PTPRH: variants seen among roughly 807,000 people sequenced by gnomAD.
The protein encoded by PTPRH is protein tyrosine phosphatase receptor type H, also known as receptor-type tyrosine-protein phosphatase H.
In PTPRH, 113 loss-of-function variants were observed where a neutral mutation model predicts 130.2. The ratio of observed to expected loss-of-function variants is 0.87; its 90% CI spans 0.75 to 1.01. The LOEUF (loss-of-function observed/expected upper bound fraction) is 1.01, where lower values mean the gene tolerates loss of function less well. Ranked by LOEUF, PTPRH falls within the 50% of genes least tolerant of loss-of-function variation. The pLI is 0.00. For missense variants in PTPRH, 1,430 were observed against 1,425.0 expected, an observed-to-expected ratio of 1.00 and a Z score of -0.06; for synonymous variants, 556 against 577.9, an observed-to-expected ratio of 0.96 and a Z score of 0.54.
chr19:55,190,488 AT>A (rs2086494869), intron 12 of PTPRH, among the ~76,000 whole-genome samples: 1 of 128,182 alleles, frequency 7.8e-6, no homozygotes, highest in Admixed American at 9.6e-5. Context: ...TATATATTAT[AT>A]AATTTATATA....
Position 55,209,373 on chromosome 19 carries a change from G to A in PTPRH, c.51+10C>T, listed in dbSNP as rs777345676. 31 of 1,560,720 alleles carry A rather than the reference G, an allele frequency of 2.0e-5. No homozygotes were observed. The highest frequency in any genetic ancestry group is 3.9e-5 in the Admixed American group (2 of 51,882). ...GCCTTGGGAGCCCGCTCTGGGCGGGGAGCACTTACCAGCAGCACCAGGTTC... is the reference window on the plus strand; with the variant it reads ...GCCTTGGGAGCCCGCTCTGGGCGGGAAGCACTTACCAGCAGCACCAGGTTC... On this transcript the variant is annotated intron_variant, in intron 1 of 19. Transcript: ENST00000376350. This position sits in a 1 kb window ranked among gnomAD's most constrained non-coding sequence, Gnocchi z 4.1.
intron 10 of PTPRH, 129 bp from the exon 11 acceptor site, chr19:55,191,870 G>GGTGTGAATTGCGTCGGTCCA: frequency 1.3e-6 from 1 of 769,474 alleles, no homozygotes; most frequent in South Asian, 1.4e-5. Context: ...AACATCACAC[G>GGTGTGAATTGCGTCGGTCCA]GTGTGAATTG....
chr19:55,195,025 T>C (rs1362290332), intron 10 of PTPRH, among the ~76,000 whole-genome samples: 4 of 152,012 alleles, frequency 2.6e-5, no homozygotes, highest in African/African-American at 9.7e-5. Flanking sequence ...CCATCTCTAC[T>C]AAAAAAATTT....
chr19:55,191,656 G>A lies in PTPRH; in HGVS notation c.2336+7C>T. Reference sequence around the variant, plus strand: ...CTCCAGGCGGTCAGCCCTGTGCTGAGTCTCACCTCCTCTTCAGGAAGAAAA... The same window carrying A: ...CTCCAGGCGGTCAGCCCTGTGCTGAATCTCACCTCCTCTTCAGGAAGAAAA... On this transcript the variant is annotated splice_region_variant and intron_variant, in intron 11 of 19. Transcript: ENST00000376350. 1.2e-6 allele frequency: 2 copies of A among 1,613,832 alleles called. No homozygotes were observed. Among genetic ancestry groups the A allele is most frequent in the Non-Finnish European group, 1.7e-6 (2 of 1,179,728 alleles).
At chr19:55,183,850 G>A (rs78783502) in intron 18 of PTPRH, among the ~76,000 whole-genome samples, 16,283 of 152,122 alleles carry the variant, frequency 0.11, 993 homozygotes, top group Middle Eastern at 0.17. Flanking sequence ...CCATTAGGCC[G>A]TCTCTCCCTA....
intron 6 of PTPRH, among the ~76,000 whole-genome samples, chr19:55,201,001 T>G (rs936450936): frequency 6.6e-6 from 1 of 151,144 alleles, no homozygotes; most frequent in East Asian, 1.9e-4. Flanking sequence ...TGGAATAGCA[T>G]TAAGAGGTAG....
intron 12 of PTPRH, 88 bp from the exon 13 acceptor site, chr19:55,188,256 T>G: frequency 9.4e-7 from 1 of 1,067,970 alleles, no homozygotes; most frequent in Non-Finnish European, 1.4e-6. Flanking sequence ...CTCACGCCTG[T>G]AATCCCAGCA....
chr19:55,183,408 C>A (rs1446825279), intron 18 of PTPRH, among the ~76,000 whole-genome samples: 1 of 148,348 alleles, frequency 6.7e-6, no homozygotes, highest in Non-Finnish European at 1.5e-5. Flanking sequence ...CCGTCCCCCA[C>A]AAAAATAAAT....
intron 1 of PTPRH, 65 bp from the exon 2 acceptor site, chr19:55,207,264 G>A (rs1244399944): frequency 1.2e-5 from 18 of 1,558,500 alleles, no homozygotes; most frequent in Non-Finnish European, 1.5e-5. Flanking sequence ...TGAGGCCGAG[G>A]GGCTGGGAGG....
chr19:55,207,255 G>C, intron 1 of PTPRH, 56 bp from the exon 2 acceptor site: 1 of 1,580,244 alleles, frequency 6.3e-7, no homozygotes, highest in South Asian at 1.1e-5. Flanking sequence ...TCCGCCCAGT[G>C]AGGCCGAGGG....
At position 55,181,912 on chromosome 19, in the gene PTPRH, C is replaced by A; in HGVS notation, c.3199-9G>T. ...AGGAATACGTACTGAGCCTGGGAAGCAGGCACGGGAGTGAGAGGCGTCCCC... is the reference window on the plus strand; with the variant it reads ...AGGAATACGTACTGAGCCTGGGAAGAAGGCACGGGAGTGAGAGGCGTCCCC... On this transcript the variant is annotated splice_polypyrimidine_tract_variant and intron_variant, in intron 19 of 19. Coordinates refer to ENST00000376350, the MANE Select transcript of PTPRH (RefSeq NM_002842.5). The A allele has an allele frequency of 6.2e-7, 1 of 1,614,206 alleles. No individual in the cohort carries two copies. The highest frequency in any genetic ancestry group is 8.5e-7 in the Non-Finnish European group (1 of 1,180,010).
intron 8 of PTPRH, among the ~76,000 whole-genome samples, chr19:55,197,678 C>A (rs886343381): frequency 6.6e-6 from 1 of 152,198 alleles, no homozygotes; most frequent in South Asian, 2.1e-4. Context: ...ATTCCACCTA[C>A]TGAAACTACA....
intron 17 of PTPRH, 86 bp downstream of exon 17, chr19:55,185,776 A>G (rs2086302580): frequency 8.7e-6 from 14 of 1,604,176 alleles, no homozygotes; most frequent in Non-Finnish European, 1.2e-5. Flanking sequence ...GAGTGGGTGG[A>G]AGGTTGGAGT....
At chr19:55,191,855 C>T (rs927278053) in intron 10 of PTPRH, 114 bp from the exon 11 acceptor site, 3 of 894,382 alleles carry the variant, frequency 3.4e-6, no homozygotes, top group South Asian at 1.3e-5. Context: ...GACAGCTGAC[C>T]CCCGAACATC....
In PTPRH at chr19:55,204,004, T is replaced by C; in HGVS notation, c.664A>G (p.Ser222Gly). 3 of 1,614,172 alleles carry C rather than the reference T, an allele frequency of 1.9e-6. No homozygotes were observed. Among genetic ancestry groups the C allele is most frequent in the Middle Eastern group, 1.6e-4 (1 of 6,062 alleles). Reference protein sequence around the residue: ...RNLRVEAQTTSSISLSWEVPD... With the variant: ...RNLRVEAQTTGSISLSWEVPD... The stretch of plus-strand genomic sequence containing the variant: ...ACCTCCCAGCTCAGGGAGATGGAGC[T>C]GGTGGTCTGAGCCTCCACTCTCAGG... The change falls in exon 5 of 20, where the codon AGC becomes GGC. Residue 222 changes from serine (S) to glycine (G), a missense_variant. Physicochemically the swap from Ser to Gly is moderately conservative, Grantham distance 56 (BLOSUM62 0). Transcript: ENST00000376350.
At chr19:55,202,590 T>TACAC (rs2086898179) in intron 5 of PTPRH, among the ~76,000 whole-genome samples, 2 of 134,594 alleles carry the variant, frequency 1.5e-5, no homozygotes. Context: ...TGATTGATCC[T>TACAC]ATACACACAC....
In PTPRH at chr19:55,197,349, C is replaced by G. The variant is rs749709290; in HGVS notation, c.1758G>C (p.Lys586Asn). The G allele has an allele frequency of 1.9e-6, 3 of 1,614,240 alleles. No homozygotes were observed. The highest frequency in any genetic ancestry group is 2.5e-6 in the Non-Finnish European group (3 of 1,180,026). The change falls in exon 9 of 20, where the codon AAG (lysine) becomes AAC (asparagine). Residue 586 changes from lysine to asparagine, a missense_variant. Lys to Asn is a moderately conservative substitution (Grantham distance 94). Transcript: ENST00000376350. Reference sequence around the variant, plus strand: ...ACTGAGAGTGGGGGTCTCCAGGGGCCTTCCACCACAGCATGACTGAGTTCT... The same window carrying G: ...ACTGAGAGTGGGGGTCTCCAGGGGCGTTCCACCACAGCATGACTGAGTTCT... ...QTKNSVMLWW[K>N]APGDPHSQLY... is the part of the protein sequence containing the mutation.
rs760246867 is a variant in PTPRH at position 55,200,449 on chromosome 19, C to T, written c.1207G>A (p.Ala403Thr). The change falls in exon 7 of 20, where the codon GCC (alanine) becomes ACC (threonine). Residue 403 changes from alanine (A) to threonine (T), a missense_variant. Coordinates refer to ENST00000376350, the MANE Select transcript of PTPRH (RefSeq NM_002842.5). Reference protein sequence around the residue: ...HMETQTNSSIALCWEVPDGPY... With the variant: ...HMETQTNSSITLCWEVPDGPY... The stretch of plus-strand genomic sequence containing the variant: ...CCATCGGGGACTTCCCAGCATAGGG[C>T]GATGGAGCTGTTGGTCTGAGTCTCC... 1.2e-5 allele frequency: 20 copies of T among 1,613,992 alleles called. No individual in the cohort carries two copies. Among genetic ancestry groups the T allele is most frequent in the South Asian group, 7.7e-5 (7 of 91,068 alleles).
intron 4 of PTPRH, among the ~76,000 whole-genome samples, chr19:55,204,398 C>A (rs549146755): frequency 6.6e-6 from 1 of 152,326 alleles, no homozygotes; most frequent in East Asian, 1.9e-4. Flanking sequence ...AGGCAACATG[C>A]CTGGCCAAGT....
Sources: allele counts gnomAD v4.1 joint callset (sites outside exome capture counted in the v4.1 genomes callset), GRCh38; gene constraint gnomAD v4.1.1; non-coding constraint Gnocchi (gnomAD v3.1); transcripts MANE v1.5; gene names NCBI Gene and HGNC (gene_info 2026-07-23, HGNC 2026-07-21).